NPNT: variants seen among roughly 807,000 people sequenced by gnomAD.
The protein encoded by NPNT is preosteoblast EGF-like repeat protein with MAM domain.
In NPNT, 45 loss-of-function variants were observed where a neutral mutation model predicts 68.6. That is an observed-to-expected ratio of 0.66 (90% CI 0.52 to 0.84). The LOEUF (loss-of-function observed/expected upper bound fraction) is 0.84. NPNT is among the 40% of genes least tolerant of loss of function. The probability of loss-of-function intolerance (pLI) is 0.00; values close to 1 mark genes in which losing one functional copy is unlikely to be tolerated. For missense variants in NPNT, 672 were observed against 714.8 expected (o/e 0.94, Z 0.68); for synonymous variants, 233 against 253.3 (o/e 0.92, Z 0.76).
chr4:105,911,261 C>T (rs986480739), intron 2 of NPNT, among the ~76,000 whole-genome samples: 2 of 151,746 alleles, frequency 1.3e-5, no homozygotes, highest in Admixed American at 6.6e-5. Flanking sequence ...TTTAAAAATA[C>T]ATAGCAATCA....
At chr4:105,923,302 A>C (rs1187753496) in intron 2 of NPNT, among the ~76,000 whole-genome samples, 12 of 151,092 alleles carry the variant, frequency 7.9e-5, no homozygotes, top group Non-Finnish European at 1.8e-4. Flanking sequence ...AGTTATTTAG[A>C]TGTAGAAATA....
At chr4:105,951,146 G>A (rs1730803798) in intron 8 of NPNT, among the ~76,000 whole-genome samples, 1 of 152,176 alleles carries the variant, frequency 6.6e-6, no homozygotes, top group Non-Finnish European at 1.5e-5. Flanking sequence ...CTAGCCAAAT[G>A]TAGGCTATTT....
intron 10 of NPNT, among the ~76,000 whole-genome samples, chr4:105,963,620 C>T (rs1207101211): frequency 6.6e-6 from 1 of 151,800 alleles, no homozygotes; most frequent in Admixed American, 6.6e-5. Flanking sequence ...GGGACACACC[C>T]TTCTCCTGTG....
chr4:105,913,955 AATT>A (rs1314872120), intron 2 of NPNT, among the ~76,000 whole-genome samples: 1 of 152,138 alleles, frequency 6.6e-6, no homozygotes, highest in Non-Finnish European at 1.5e-5. Context: ...TTATCCGTAT[AATT>A]ATTTGAGAGC....
At chr4:105,927,670 G>T (rs542027037) in intron 3 of NPNT, 2 of 219,862 alleles carry the variant, frequency 9.1e-6, no homozygotes, top group Non-Finnish European at 9.0e-6. Context: ...TTGAAGAAAA[G>T]AATCCCTGCA....
At chr4:105,945,822 C>T (rs948586014) in intron 8 of NPNT, among the ~76,000 whole-genome samples, 5 of 152,134 alleles carry the variant, frequency 3.3e-5, no homozygotes, top group Non-Finnish European at 5.9e-5. Context: ...TTACTGTGAA[C>T]ATATCAATGT....
chr4:105,944,295 A>G (rs1479601257), intron 8 of NPNT, among the ~76,000 whole-genome samples: 3 of 152,068 alleles, frequency 2.0e-5, no homozygotes, highest in East Asian at 3.8e-4. Flanking sequence ...TTAAATTCTC[A>G]TCATTGTGAT....
chr4:105,946,559 C>T (rs149018129), intron 8 of NPNT, among the ~76,000 whole-genome samples: 1,765 of 152,168 alleles, frequency 0.012, 6 homozygotes, highest in Non-Finnish European at 0.013. Flanking sequence ...GCTGGGTCTA[C>T]GGGGATGACA....
intron 2 of NPNT, among the ~76,000 whole-genome samples, chr4:105,901,230 A>G (rs1451493983): frequency 2.0e-5 from 3 of 152,242 alleles, no homozygotes; most frequent in Non-Finnish European, 4.4e-5. Context: ...ATTGTTAACC[A>G]AAAGCACTAG....
chr4:105,930,409 G>T (rs1729019219), intron 3 of NPNT, among the ~76,000 whole-genome samples: 1 of 152,202 alleles, frequency 6.6e-6, no homozygotes. Flanking sequence ...GCCCTGTCAG[G>T]ATCAGGGAAG....
chr4:105,898,304 C>A (rs1560881620), intron 2 of NPNT, among the ~76,000 whole-genome samples: 1 of 125,936 alleles, frequency 7.9e-6, no homozygotes, highest in Non-Finnish European at 1.6e-5. Flanking sequence ...CTCTCTCTCT[C>A]TCTCTCTGTC....
chr4:105,954,131 T>C (rs1017920905), intron 8 of NPNT, among the ~76,000 whole-genome samples: 4 of 152,208 alleles, frequency 2.6e-5, no homozygotes, highest in Non-Finnish European at 4.4e-5. Context: ...GGCCAGCATT[T>C]CTTACAAGAA....
intron 8 of NPNT, among the ~76,000 whole-genome samples, chr4:105,944,178 ATT>A (rs1003846647): frequency 6.6e-6 from 1 of 152,164 alleles, no homozygotes; most frequent in Non-Finnish European, 1.5e-5. Context: ...CAAAATATAC[ATT>A]TTATATGTGC....
At chr4:105,954,055 A>T (rs1418224817) in intron 8 of NPNT, among the ~76,000 whole-genome samples, 1 of 152,234 alleles carries the variant, frequency 6.6e-6, no homozygotes, top group African/African-American at 2.4e-5. Flanking sequence ...GGGAAACTTC[A>T]TTTGTGAACA....
At chr4:105,921,888 G>T (rs931474945) in intron 2 of NPNT, among the ~76,000 whole-genome samples, 5 of 152,130 alleles carry the variant, frequency 3.3e-5, no homozygotes, top group Non-Finnish European at 7.4e-5. Flanking sequence ...TGTGAAGCTT[G>T]TTGGGTGTAA....
At chr4:105,898,622 C>T (rs1578564647) in intron 2 of NPNT, among the ~76,000 whole-genome samples, 1 of 152,170 alleles carries the variant, frequency 6.6e-6, no homozygotes, top group African/African-American at 2.4e-5. Flanking sequence ...GAAACAAAGC[C>T]ACTGAAACAA....
At chr4:105,925,128 A>G (rs1041260163) in intron 2 of NPNT, among the ~76,000 whole-genome samples, 3 of 152,212 alleles carry the variant, frequency 2.0e-5, no homozygotes, top group Non-Finnish European at 4.4e-5. Context: ...CATATAAACC[A>G]TCCGCCTAGT....
At chr4:105,919,292 C>T (rs1728057893) in intron 2 of NPNT, among the ~76,000 whole-genome samples, 1 of 151,968 alleles carries the variant, frequency 6.6e-6, no homozygotes, top group African/African-American at 2.4e-5. Flanking sequence ...TCTCCCTCAA[C>T]CATTTTTAAG....
intron 2 of NPNT, among the ~76,000 whole-genome samples, chr4:105,917,192 C>G (rs1196037163): frequency 1.3e-5 from 2 of 152,162 alleles, no homozygotes; most frequent in Admixed American, 1.3e-4. Context: ...AGGACTGTTT[C>G]TTGTTGTAGG....
Sources: gnomAD v4.1 joint callset for allele counts (sites outside exome capture counted in the v4.1 genomes callset) on GRCh38, gnomAD v4.1.1 for gene constraint, MANE v1.5 for transcripts, NCBI Gene and HGNC (gene_info 2026-07-23, HGNC 2026-07-21) for gene names.